The following SEMA3C variants were observed in gnomAD, a reference collection of about 807,000 sequenced individuals.
SEMA3C encodes the protein semaphorin 3C.
Under a neutral mutation model 89.4 loss-of-function variants are expected in SEMA3C, and 47 were observed. That is an observed-to-expected ratio of 0.53 (90% CI 0.42 to 0.67). SEMA3C has a LOEUF of 0.67. Among genes scored for constraint, SEMA3C ranks in the 30% least tolerant of loss-of-function variants. SEMA3C has a pLI of 0.00. For missense variants in SEMA3C, 839 were observed against 929.1 expected, an observed-to-expected ratio of 0.90 and a Z score of 1.26; for synonymous variants, 310 against 320.2, an observed-to-expected ratio of 0.97 and a Z score of 0.34.
intron 15 of SEMA3C, among the ~76,000 whole-genome samples, chr7:80,756,470 G>A (rs547213913): frequency 6.0e-4 from 91 of 152,202 alleles, no homozygotes; most frequent in Non-Finnish European, 1.1e-3. Context: ...GGGCTTCAAT[G>A]CAAGCCAAAT....
intron 16 of SEMA3C, among the ~76,000 whole-genome samples, chr7:80,750,465 TATATATATAC>T (rs1284476171): frequency 0.012 from 778 of 63,776 alleles, 6 homozygotes; most frequent in South Asian, 0.025. Flanking sequence ...TATATATATA[TATATATATAC>T]ACACACACAC....
intron 2 of SEMA3C, among the ~76,000 whole-genome samples, chr7:80,880,170 C>T (rs961334522): frequency 4.6e-5 from 7 of 152,182 alleles, no homozygotes; most frequent in Admixed American, 2.6e-4. Context: ...CAAATCTCAA[C>T]ATCTCCAGGA....
chr7:80,850,246 T>C (rs570260723), intron 2 of SEMA3C, among the ~76,000 whole-genome samples: 7 of 152,300 alleles, frequency 4.6e-5, no homozygotes, highest in Admixed American at 1.3e-4. Context: ...TTTGGCTTTA[T>C]CTACTCAATT....
intron 11 of SEMA3C, among the ~76,000 whole-genome samples, chr7:80,794,803 T>C (rs1330313086): frequency 6.6e-6 from 1 of 152,196 alleles, no homozygotes. Flanking sequence ...TGGCTGCCCT[T>C]TGCAACATAC....
chr7:80,892,391 G>A (rs1409489882), intron 2 of SEMA3C, among the ~76,000 whole-genome samples: 1 of 152,022 alleles, frequency 6.6e-6, no homozygotes, highest in Non-Finnish European at 1.5e-5. Flanking sequence ...AAAGCAAGGT[G>A]ATCTGTGATA....
At chr7:80,839,871 T>G (rs965509924) in intron 2 of SEMA3C, among the ~76,000 whole-genome samples, 1 of 151,372 alleles carries the variant, frequency 6.6e-6, no homozygotes, top group East Asian at 2.0e-4. Flanking sequence ...ATGGAAAGAG[T>G]CTTAAAGCAA....
Position 80,784,658 on chromosome 7 carries a change from C to T in SEMA3C, c.1354+4648G>A, listed in dbSNP as rs1375760354. On this transcript the variant is annotated intron_variant, in intron 12 of 17. Transcript: ENST00000265361. ...ATATATATATTTCTGGCTTGGCTGG[C>T]TAAAAGGTCTCTGTGGCAACTAATC... Among the ~76,000 whole-genome samples, 4 of 151,950 alleles carry T rather than the reference C, an allele frequency of 2.6e-5. No homozygotes were observed. In the East Asian group the frequency reaches 7.7e-4, roughly 29 times the overall value.
chr7:80,744,804 C>T lies in SEMA3C; in HGVS notation c.*90G>A. On this transcript the variant is annotated 3_prime_UTR_variant, in exon 18 of 18. Coordinates refer to ENST00000265361, the MANE Select transcript of SEMA3C (RefSeq NM_006379.5). ...GTAATCACCTTTTTCAGTAATTCCC[C>T]TTGGTAAAGCACAAGTTTCTTTGCT... 1 of 1,444,296 alleles carries T rather than the reference C, an allele frequency of 6.9e-7. No homozygotes were observed. Among genetic ancestry groups the T allele is most frequent in the Non-Finnish European group, 9.6e-7 (1 of 1,038,802 alleles). The allele number at this position is 1,444,296 out of a possible 1,614,324, so 89.5% of individuals were successfully genotyped here. A position where few individuals can be genotyped will look rare whatever the true frequency, so the allele number is the denominator to read the frequency against.
intron 12 of SEMA3C, among the ~76,000 whole-genome samples, chr7:80,777,120 C>A: frequency 6.6e-6 from 1 of 152,052 alleles, no homozygotes; most frequent in Middle Eastern, 3.4e-3. Context: ...TCTATAAAGT[C>A]TACTTTAAAA....
chr7:80,756,927 T>C (rs1393792526), intron 15 of SEMA3C, among the ~76,000 whole-genome samples: 3 of 152,230 alleles, frequency 2.0e-5, no homozygotes. Flanking sequence ...CCAGAGGTTT[T>C]CCTTATTTAT....
chr7:80,825,617 A>C (rs1371911484), intron 4 of SEMA3C, among the ~76,000 whole-genome samples: 1 of 152,204 alleles, frequency 6.6e-6, no homozygotes, highest in Non-Finnish European at 1.5e-5. Flanking sequence ...AATTTTTGGA[A>C]ATAGAATGTA....
rs971501743 is a variant in SEMA3C, at chr7:80,743,720, A to G, written c.*1174T>C. The G allele has an allele frequency of 6.6e-6, 1 of 151,988 alleles. No homozygotes were observed. Among genetic ancestry groups the G allele is most frequent in the Non-Finnish European group, 1.5e-5 (1 of 67,866 alleles). 9.4% of individuals were successfully genotyped at this position (151,988 alleles called of 1,614,324 possible). ...TCATCACAAAATTTACTACTTTTAC[A>G]CTTAGAGACCAGTGAACGTATGTAC... On this transcript the variant is annotated 3_prime_UTR_variant, in exon 18 of 18. Coordinates refer to ENST00000265361, the MANE Select transcript of SEMA3C (RefSeq NM_006379.5).
Position 80,800,836 on chromosome 7 carries a change from G to T in SEMA3C, c.917-10C>A. The T allele has an allele frequency of 1.3e-6, 2 of 1,489,510 alleles. No homozygotes were observed. Among genetic ancestry groups the T allele is most frequent in the South Asian group, 1.4e-5 (1 of 72,854 alleles). 92.3% of individuals were successfully genotyped at this position (1,489,510 alleles called of 1,614,324 possible). On this transcript the variant is annotated splice_polypyrimidine_tract_variant and intron_variant, in intron 9 of 17. Transcript: ENST00000265361. ...AGCAGAAACACATCCTCTATAAAAA[G>T]GAAAATATTCTTTTAAAGTTTCTAA... is the stretch of plus-strand genomic sequence containing the variant.
intron 15 of SEMA3C, among the ~76,000 whole-genome samples, chr7:80,754,723 C>T (rs573517492): frequency 1.3e-5 from 2 of 152,126 alleles, no homozygotes; most frequent in South Asian, 4.2e-4. Flanking sequence ...CATTTTCAGG[C>T]TTTTCATGAC....
chr7:80,793,223 A>T (rs1202772486), intron 11 of SEMA3C: 1 of 178,936 alleles, frequency 5.6e-6, no homozygotes, highest in African/African-American at 2.4e-5. Flanking sequence ...ATGAAATGCT[A>T]GGAACAATAA....
At chr7:80,877,735 G>A (rs1469889648) in intron 2 of SEMA3C, among the ~76,000 whole-genome samples, 9 of 152,176 alleles carry the variant, frequency 5.9e-5, no homozygotes, top group African/African-American at 1.9e-4. Flanking sequence ...TCTAGTCTTT[G>A]GTTATGCAGT....
intron 2 of SEMA3C, among the ~76,000 whole-genome samples, chr7:80,844,626 G>C (rs1324404665): frequency 2.0e-5 from 3 of 152,088 alleles, no homozygotes; most frequent in Admixed American, 6.6e-5. Flanking sequence ...AATATTGACT[G>C]TGATCATTAT....
At chr7:80,832,781 C>T (rs1044764251) in intron 2 of SEMA3C, among the ~76,000 whole-genome samples, 9 of 152,086 alleles carry the variant, frequency 5.9e-5, no homozygotes, top group African/African-American at 1.7e-4. Context: ...ACTGAATTAA[C>T]CGGAACTCCA....
At chr7:80,770,346 G>C (rs1240274183) in intron 12 of SEMA3C, among the ~76,000 whole-genome samples, 1 of 152,160 alleles carries the variant, frequency 6.6e-6, no homozygotes, top group Non-Finnish European at 1.5e-5. Context: ...TTTCCTTCTG[G>C]GGGTGGTGAG....
Sources: gnomAD v4.1 joint callset for allele counts (sites outside exome capture counted in the v4.1 genomes callset) on GRCh38, gnomAD v4.1.1 for gene constraint, MANE v1.5 for transcripts, NCBI Gene and HGNC (gene_info 2026-07-23, HGNC 2026-07-21) for gene names.